Variants in RNF212 observed in about 807,000 individuals in gnomAD.
RNF212 encodes the protein ring finger protein 212, also known as probable E3 SUMO-protein ligase RNF212.
In RNF212, 33 loss-of-function variants were observed where a neutral mutation model predicts 34.7. The ratio of observed to expected loss-of-function variants is 0.95; its 90% CI spans 0.72 to 1.27. RNF212 has a LOEUF of 1.27. RNF212 is among the 50% of genes most tolerant of loss of function. The pLI is 0.00. For synonymous variants in RNF212, 140 were observed against 136.1 expected (o/e 1.03, Z -0.20); for missense variants, 377 against 362.2 (o/e 1.04, Z -0.33).
At chr4:1,064,703 A>C (rs1252360091) in intron 3 of RNF212, among the ~76,000 whole-genome samples, 1 of 152,174 alleles carries the variant, frequency 6.6e-6, no homozygotes, top group African/African-American at 2.4e-5. Context: ...CTGGTATTAA[A>C]TACATTCCTG....
At chr4:1,106,249 TACACACACACACACACACACACACACAC>T (rs35166968) in intron 2 of RNF212, among the ~76,000 whole-genome samples, 5 of 145,948 alleles carry the variant, frequency 3.4e-5, no homozygotes, top group Admixed American at 3.4e-4. Flanking sequence ...CAATTTTACT[TACACACACACACACACACACACACACAC>T]ACACACACAC....
At chr4:1,095,564 G>C (rs1222869880) in intron 3 of RNF212, among the ~76,000 whole-genome samples, 19 of 94,818 alleles carry the variant, frequency 2.0e-4, no homozygotes, top group South Asian at 3.7e-4. Flanking sequence ...ACAGAACCAA[G>C]CACACCTCCC....
intron 4 of RNF212, chr4:1,056,817 T>C: frequency 1.0e-6 from 1 of 986,736 alleles, no homozygotes; most frequent in Non-Finnish European, 1.2e-6. Flanking sequence ...ATTTTCTTCC[T>C]GAGGCTGGCT....
intron 2 of RNF212, among the ~76,000 whole-genome samples, chr4:1,103,100 A>G (rs1395208111): frequency 3.3e-5 from 5 of 152,248 alleles, no homozygotes; most frequent in African/African-American, 1.2e-4. Context: ...CATGAAAAAT[A>G]TGAGTGGATA....
intron 3 of RNF212, 105 bp from the exon 4 acceptor site, chr4:1,090,943 A>G (rs1365391788): frequency 2.8e-6 from 2 of 708,794 alleles, no homozygotes; most frequent in Non-Finnish European, 5.0e-6. Flanking sequence ...GAGAGCTCAC[A>G]GTGCTTGTCT....
intron 8 of RNF212, among the ~76,000 whole-genome samples, chr4:1,076,147 TC>T (rs1719260618): frequency 6.6e-6 from 1 of 152,190 alleles, no homozygotes; most frequent in Admixed American, 6.5e-5. Context: ...AGTCAACACT[TC>T]CATCTGCATG....
intron 2 of RNF212, chr4:1,101,313 G>T: frequency 6.5e-6 from 2 of 309,798 alleles, no homozygotes; most frequent in Non-Finnish European, 1.3e-5. Flanking sequence ...TTTTATTATT[G>T]GTAGACAATA....
At chr4:1,093,519 G>C (rs1722522631) in intron 3 of RNF212, 1 of 1,393,000 alleles carries the variant, frequency 7.2e-7, no homozygotes, top group Non-Finnish European at 9.2e-7. Context: ...GGGGCCACGA[G>C]GTCACTGGGC....
intron 7 of RNF212, among the ~76,000 whole-genome samples, chr4:1,080,836 G>A (rs372299765): frequency 2.0e-4 from 31 of 152,384 alleles, no homozygotes; most frequent in African/African-American, 7.2e-4. Context: ...CCTTCCATCT[G>A]AAGAGCTAGG....
chr4:1,068,411 T>C (rs1718229182), downstream of RNF212, among the ~76,000 whole-genome samples: 1 of 152,224 alleles, frequency 6.6e-6, no homozygotes, highest in Non-Finnish European at 1.5e-5. Flanking sequence ...TCTTGATTTT[T>C]CAGCTGTGTT....
chr4:1,098,345 G>A (rs1723386685), intron 2 of RNF212, among the ~76,000 whole-genome samples: 1 of 152,252 alleles, frequency 6.6e-6, no homozygotes, highest in African/African-American at 2.4e-5. Flanking sequence ...CTAGAAGACA[G>A]AGTATAGACT....
chr4:1,061,483 C>T (rs185897511), intron 3 of RNF212, among the ~76,000 whole-genome samples: 55 of 152,270 alleles, frequency 3.6e-4, no homozygotes, highest in Non-Finnish European at 2.4e-4. Flanking sequence ...GAACCCTGGC[C>T]GACAGAAGCA....
intron 8 of RNF212, 82 bp downstream of exon 8, chr4:1,079,561 G>T (rs1464007801): frequency 1.1e-5 from 10 of 946,150 alleles, no homozygotes; most frequent in Non-Finnish European, 1.4e-5. Flanking sequence ...TGCACGAGAG[G>T]TTACGTTTTT....
In RNF212 at chr4:1,103,106, G is replaced by T. The variant is rs143417573; in HGVS notation, c.171+5237C>A. The stretch of plus-strand genomic sequence containing the variant: ...ACTTACAGACATGAAAAATATGAGT[G>T]GATAACAAGCATATTGATGACAAGA... On this transcript the variant is annotated intron_variant, in intron 2 of 9. Coordinates refer to ENST00000433731, the MANE Select transcript of RNF212 (RefSeq NM_001131034.4). Among the ~76,000 whole-genome samples the T allele has an allele frequency of 9.9e-5, 15 of 152,254 alleles. No individual in the cohort carries two copies. The East Asian group carries it at 2.7e-3, about 27-fold the overall frequency.
chr4:1,079,472 G>A (rs1362419753), intron 8 of RNF212, among the ~76,000 whole-genome samples, 171 bp downstream of exon 8: 2 of 152,242 alleles, frequency 1.3e-5, no homozygotes, highest in Admixed American at 1.3e-4. Context: ...TCATGACCCA[G>A]CTTATAGCCA....
intron 3 of RNF212, among the ~76,000 whole-genome samples, chr4:1,058,698 T>G (rs1033278270): frequency 5.3e-5 from 8 of 152,222 alleles, no homozygotes; most frequent in Non-Finnish European, 8.8e-5. Flanking sequence ...ATCTGAATCA[T>G]CAGCAGCTGG....
At chr4:1,063,788 T>TTGAGCCCGGGAGGATC (rs1717907215) in intron 3 of RNF212, among the ~76,000 whole-genome samples, 1 of 151,346 alleles carries the variant, frequency 6.6e-6, no homozygotes, top group Non-Finnish European at 1.5e-5. Flanking sequence ...GTGGGAGGAT[T>TTGAGCCCGGGAGGATC]GATTGAGCCC....
intron 1 of RNF212, among the ~76,000 whole-genome samples, chr4:1,110,134 C>T (rs1409585264): frequency 1.3e-5 from 2 of 152,196 alleles, no homozygotes; most frequent in Non-Finnish European, 2.9e-5. Flanking sequence ...GATTAACAGA[C>T]ATGACAGAGA....
rs745858799 is a variant in RNF212, at chr4:1,096,847, A to G, written c.172-8T>C. 1.9e-6 allele frequency: 3 copies of G among 1,594,678 alleles called. No individual in the cohort carries two copies. Among genetic ancestry groups the G allele is most frequent in the African/African-American group, 1.3e-5 (1 of 74,884 alleles). On this transcript the variant is annotated splice_region_variant and splice_polypyrimidine_tract_variant and intron_variant, in intron 2 of 9. Coordinates refer to ENST00000433731, the MANE Select transcript of RNF212 (RefSeq NM_001131034.4). Reference sequence around the variant, plus strand: ...CTGGATATCTGCGTCGGTCTGAAAGAGAAAGAAATGACTCTACATTTATTG... The same window carrying G: ...CTGGATATCTGCGTCGGTCTGAAAGGGAAAGAAATGACTCTACATTTATTG...
Sources: allele counts gnomAD v4.1 joint callset (sites outside exome capture counted in the v4.1 genomes callset), GRCh38; gene constraint gnomAD v4.1.1; transcripts MANE v1.5; gene names NCBI Gene and HGNC (gene_info 2026-07-23, HGNC 2026-07-21).